The following NOTUM variants were observed in gnomAD, a reference collection of about 807,000 sequenced individuals.
NOTUM encodes notum, palmitoleoyl-protein carboxylesterase, also known as palmitoleoyl-protein carboxylesterase NOTUM.
NOTUM carries 36 observed loss-of-function variants against 65.5 expected under a neutral mutation model. The ratio of observed to expected loss-of-function variants is 0.55; its 90% CI spans 0.42 to 0.73. NOTUM has a LOEUF of 0.73. NOTUM is among the 30% of genes least tolerant of loss of function. The pLI is 0.00. For synonymous variants in NOTUM, 356 were observed against 297.9 expected (o/e 1.20, Z -2.01); for missense variants, 659 against 694.2 (o/e 0.95, Z 0.57).
In NOTUM at chr17:81,959,680, C is replaced by G; in HGVS notation, c.336G>C (p.Lys112Asn). 2 of 1,531,034 alleles carry G rather than the reference C, an allele frequency of 1.3e-6. No individual in the cohort carries two copies. Among genetic ancestry groups the G allele is most frequent in the Non-Finnish European group, 1.8e-6 (2 of 1,139,996 alleles). The allele number at this position is 1,531,034 out of a possible 1,614,324, so 94.8% of individuals were successfully genotyped here. Residue 112 changes from lysine (K) to asparagine (N), a missense_variant, in exon 2 of 11, where the codon AAG (lysine) becomes AAC (asparagine). Physicochemically the swap from Lys to Asn is moderately conservative, Grantham distance 94. Coordinates refer to ENST00000409678, the MANE Select transcript of NOTUM (RefSeq NM_178493.6). ...GCCACCGCCGGCTGCCCCTGGACTC[C>G]TTCAGGTAGTAGCTGCGGGGGAGGA... ...NDGSPAGYYL[K>N]ESRGSRRWLL...
Position 81,959,482 on chromosome 17 carries a change from C to G in NOTUM, c.461G>C (p.Arg154Pro), listed in dbSNP as rs1481605570. ...GGCCCGCCGCTGACCTGTGCGAGTG[C>G]GCGGCCAGTCCCGGGAGCTCATGAG... ...RRLMSSRDWP[R>P]TRTGTGILSS... Residue 154 changes from arginine to proline, a missense_variant, in exon 3 of 11, where the codon CGC (arginine) becomes CCC (proline). By Grantham distance (103) the Arg-to-Pro change is moderately radical. Transcript: ENST00000409678. The G allele has an allele frequency of 6.5e-7, 1 of 1,547,396 alleles. No individual in the cohort carries two copies. The highest frequency in any genetic ancestry group is 1.2e-5 in the South Asian group (1 of 83,972).
intron 8 of NOTUM, among the ~76,000 whole-genome samples, chr17:81,956,335 C>T (rs1332063421): frequency 8.5e-5 from 13 of 152,246 alleles, no homozygotes; most frequent in Non-Finnish European, 1.5e-4. Context: ...CACTAGCCAC[C>T]GGTATAGGCA....
intron 4 of NOTUM, 60 bp downstream of exon 4, chr17:81,958,875 C>G: frequency 7.8e-7 from 1 of 1,278,076 alleles, no homozygotes; most frequent in Non-Finnish European, 1.1e-6. Flanking sequence ...CAAGGAAGGA[C>G]CCCCCGGGAA....
chr17:81,959,120 A>C, intron 3 of NOTUM, 125 bp from the exon 4 acceptor site: 2 of 812,636 alleles, frequency 2.5e-6, no homozygotes, highest in Non-Finnish European at 4.1e-6. Flanking sequence ...TGGTGTTGCT[A>C]GCCCGAACCA....
intron 3 of NOTUM, 57 bp from the exon 4 acceptor site, chr17:81,959,052 T>G (rs2041454648): frequency 6.8e-7 from 1 of 1,473,406 alleles, no homozygotes; most frequent in East Asian, 2.3e-5. Flanking sequence ...TAGGGTCGGG[T>G]CTGGGAACCC....
intron 9 of NOTUM, 138 bp downstream of exon 9, chr17:81,955,259 G>A: frequency 1.3e-6 from 1 of 747,906 alleles, no homozygotes; most frequent in Non-Finnish European, 2.1e-6. Flanking sequence ...GGGATTATAG[G>A]TGTGAGTCAC....
chr17:81,959,675 G>A lies in NOTUM; in HGVS notation c.341C>T (p.Ser114Phe). ...GSPAGYYLKE[S>F]RGSRRWLLFL... ...GAGGAGCCACCGCCGGCTGCCCCTG[G>A]ACTCCTTCAGGTAGTAGCTGCGGGG... The change falls in exon 2 of 11, where the codon TCC becomes TTC. Residue 114 changes from serine (S) to phenylalanine (F), a missense_variant. Coordinates refer to ENST00000409678, the MANE Select transcript of NOTUM (RefSeq NM_178493.6). 6.5e-7 allele frequency: 1 copy of A among 1,541,928 alleles called. No individual in the cohort carries two copies. The highest frequency in any genetic ancestry group is 8.7e-7 in the Non-Finnish European group (1 of 1,144,718).
intron 3 of NOTUM, 187 bp downstream of exon 3, chr17:81,959,284 C>A: frequency 1.6e-6 from 1 of 615,580 alleles, no homozygotes; most frequent in Non-Finnish European, 2.9e-6. Flanking sequence ...GCTGGGTAAG[C>A]GCCTGAATGC....
Position 81,953,196 on chromosome 17 carries a change from T to C in NOTUM, c.1256A>G (p.His419Arg), listed in dbSNP as rs1231246335. ...RALHCWDRSL[H>R]DSHKASKTPL... ...GGTCTTGCTGGCCTTGTGGCTGTCA[T>C]GGAGGCTCCTGTCCCAGCAGTGCAG... The change falls in exon 11 of 11, where the codon CAT becomes CGT. Residue 419 changes from histidine (H) to arginine (R), a missense_variant. His to Arg is a conservative substitution (Grantham distance 29). Coordinates refer to ENST00000409678, the MANE Select transcript of NOTUM (RefSeq NM_178493.6). 1.6e-5 allele frequency: 25 copies of C among 1,612,812 alleles called. No individual in the cohort carries two copies. The highest frequency in any genetic ancestry group is 2.2e-5 in the East Asian group (1 of 44,884).
rs983890065 is a variant in NOTUM at position 81,960,230 on chromosome 17, G to T, written c.323+357C>A. On this transcript the variant is annotated intron_variant, in intron 1 of 10. Coordinates refer to ENST00000409678, the MANE Select transcript of NOTUM (RefSeq NM_178493.6). The surrounding 1 kb of genome is among the most constrained non-coding windows in gnomAD (Gnocchi z 6.4). The stretch of plus-strand genomic sequence containing the variant: ...CACGTCTTTTATCTACTTCGGGGCT[G>T]CAAGGAGGTGGGCAGCGGGCCTCTC... Among the ~76,000 whole-genome samples, 6 of 152,208 alleles carry T rather than the reference G, an allele frequency of 3.9e-5. No homozygotes were observed. The highest frequency in any genetic ancestry group is 1.4e-4 in the African/African-American group (6 of 41,448).
chr17:81,960,886 C>A lies in NOTUM; in HGVS notation c.24G>T (p.Leu8=). Residue 8 remains leucine, a synonymous_variant, in exon 1 of 11, where the codon CTG becomes CTT. Coordinates refer to ENST00000409678, the MANE Select transcript of NOTUM (RefSeq NM_178493.6). This position sits in a 1 kb window ranked among gnomAD's most constrained non-coding sequence, Gnocchi z 6.4. MGRGVRV[L]LLLSLLHCAG... Reference sequence around the variant, plus strand: ...CGCAGTGCAGCAGGCTCAGCAGCAGCAGCACGCGCACCCCTCGGCCCATGG... The same window carrying A: ...CGCAGTGCAGCAGGCTCAGCAGCAGAAGCACGCGCACCCCTCGGCCCATGG... 1 of 1,383,634 alleles carries A rather than the reference C, an allele frequency of 7.2e-7. No individual in the cohort carries two copies. The allele number at this position is 1,383,634 out of a possible 1,614,324, so 85.7% of individuals were successfully genotyped here. A position where few individuals can be genotyped will look rare whatever the true frequency, so the allele number is the denominator to read the frequency against.
Position 81,956,960 on chromosome 17 carries a change from G to A in NOTUM, c.810C>T (p.Asp270=). ...AGTCTGTGTGGCGATACTGCTTGTT[G>A]TCCAGGAACCAGCCGGAGTCAGCCA... is the stretch of plus-strand genomic sequence containing the variant. ...RGLADSGWFL[D]NKQYRHTDCV... The change falls in exon 7 of 11, where the codon GAC becomes GAT. Residue 270 remains aspartate, a synonymous_variant. Coordinates refer to ENST00000409678, the MANE Select transcript of NOTUM (RefSeq NM_178493.6). 2 of 1,613,418 alleles carry A rather than the reference G, an allele frequency of 1.2e-6. No homozygotes were observed. Among genetic ancestry groups the A allele is most frequent in the Non-Finnish European group, 1.7e-6 (2 of 1,179,932 alleles).
rs778962918 is a variant in NOTUM, at chr17:81,960,693, G to A, written c.217C>T (p.Leu73=). The A allele has an allele frequency of 1.0e-5, 16 of 1,602,718 alleles. No homozygotes were observed. The highest frequency in any genetic ancestry group is 8.5e-5 in the Admixed American group (5 of 58,978). ...GAGCAGGGGTACAGGGACTGCGCCA[G>A]GCTCTTGACTTGCGCCATGAAGCTG... ...MDSFMAQVKS[L]AQSLYPCSAQ... Residue 73 remains leucine (L), a synonymous_variant, in exon 1 of 11, where the codon CTG becomes TTG. Transcript: ENST00000409678. This position sits in a 1 kb window ranked among gnomAD's most constrained non-coding sequence, Gnocchi z 6.4.
Position 81,959,484 on chromosome 17 carries a change from C to G in NOTUM, c.459G>C (p.Pro153=). The G allele has an allele frequency of 1.3e-6, 2 of 1,547,622 alleles. No homozygotes were observed. Among genetic ancestry groups the G allele is most frequent in the South Asian group, 2.4e-5 (2 of 83,976 alleles). Residue 153 remains proline (P), a synonymous_variant, in exon 3 of 11, where the codon CCG becomes CCC. Coordinates refer to ENST00000409678, the MANE Select transcript of NOTUM (RefSeq NM_178493.6). ...MRRLMSSRDW[P]RTRTGTGILS... The stretch of plus-strand genomic sequence containing the variant: ...CCCGCCGCTGACCTGTGCGAGTGCG[C>G]GGCCAGTCCCGGGAGCTCATGAGGC...
intron 4 of NOTUM, 40 bp from the exon 5 acceptor site, chr17:81,958,433 C>T (rs931794491): frequency 1.3e-5 from 19 of 1,444,752 alleles, no homozygotes; most frequent in South Asian, 4.6e-5. Context: ...CAGCGCCTGC[C>T]GCCCGGCAGC....
chr17:81,956,755 A>T lies in NOTUM; in HGVS notation c.888-5T>A. ...GGGACCACCCCGTTCCAGTACCTGG[A>T]GCCACAGCCACAGGTTAGGCTGCCG... On this transcript the variant is annotated splice_polypyrimidine_tract_variant and splice_region_variant and intron_variant, in intron 7 of 10. Transcript: ENST00000409678. The T allele has an allele frequency of 6.2e-7, 1 of 1,609,932 alleles. No individual in the cohort carries two copies.
rs1199892632 is a variant in NOTUM, at chr17:81,960,076, G to A, written c.324-384C>T. Among the ~76,000 whole-genome samples the A allele has an allele frequency of 1.3e-5, 2 of 152,086 alleles. No individual in the cohort carries two copies. The highest frequency in any genetic ancestry group is 2.9e-5 in the Non-Finnish European group (2 of 67,984). The stretch of plus-strand genomic sequence containing the variant: ...CGCCGCGGGGAGCGCGGGAGGCGCG[G>A]GCGGCACCGACCCGGCGGGGGAGCC... On this transcript the variant is annotated intron_variant, in intron 1 of 10. Transcript: ENST00000409678. The surrounding 1 kb of genome is among the most constrained non-coding windows in gnomAD (Gnocchi z 6.4).
chr17:81,955,052 C>T (rs1598367308), intron 9 of NOTUM, among the ~76,000 whole-genome samples: 1 of 151,930 alleles, frequency 6.6e-6, no homozygotes, highest in Non-Finnish European at 1.5e-5. Flanking sequence ...ACAATCTCAG[C>T]TCACTGCAAC....
At chr17:81,958,623 C>A (rs577181601) in intron 4 of NOTUM, among the ~76,000 whole-genome samples, 1 of 150,342 alleles carries the variant, frequency 6.7e-6, no homozygotes, top group African/African-American at 2.5e-5. Flanking sequence ...AGGACAGGAC[C>A]CCCCAGGAAA....
Sources: gnomAD v4.1 joint callset for allele counts (sites outside exome capture counted in the v4.1 genomes callset) on GRCh38, gnomAD v4.1.1 for gene constraint, Gnocchi (gnomAD v3.1) non-coding constraint, MANE v1.5 for transcripts, NCBI Gene and HGNC (gene_info 2026-07-23, HGNC 2026-07-21) for gene names.